INSC: variants seen among roughly 807,000 people sequenced by gnomAD.
INSC encodes the protein INSC spindle orientation adaptor protein, also known as protein inscuteable homolog.
A neutral mutation model predicts 58.6 loss-of-function variants in INSC; 67 were observed. That is an observed-to-expected ratio of 1.14 (90% CI 0.94 to 1.40). INSC has a LOEUF of 1.40. INSC is among the 40% of genes most tolerant of loss of function. The pLI is 0.00. For missense variants in INSC, 714 were observed against 692.0 expected, an observed-to-expected ratio of 1.03 and a Z score of -0.36; for synonymous variants, 262 against 276.1, an observed-to-expected ratio of 0.95 and a Z score of 0.51.
At chr11:15,220,846 G>C (rs1301537821) in intron 7 of INSC, among the ~76,000 whole-genome samples, 1 of 152,168 alleles carries the variant, frequency 6.6e-6, no homozygotes, top group Non-Finnish European at 1.5e-5. Context: ...GCTTCTTACT[G>C]GTTGGGCACA....
the INSC span, among the ~76,000 whole-genome samples, chr11:15,261,017 A>T: frequency 3.3e-5 from 5 of 152,218 alleles, no homozygotes; most frequent in Non-Finnish European, 4.4e-5. Flanking sequence ...CCTTTCATGC[A>T]TCAACTCTGA....
downstream of INSC, among the ~76,000 whole-genome samples, chr11:15,249,074 C>T (rs1487591178): frequency 1.3e-5 from 2 of 152,170 alleles, no homozygotes; most frequent in African/African-American, 2.4e-5. Context: ...GGAGGAAGGA[C>T]AGAAGTACCC....
At chr11:15,150,838 G>A (rs1848627326) in intron 2 of INSC, among the ~76,000 whole-genome samples, 2 of 152,208 alleles carry the variant, frequency 1.3e-5, no homozygotes, top group African/African-American at 4.8e-5. Flanking sequence ...CTTATGTGGG[G>A]CTAAGTGGTT....
intron 2 of INSC, among the ~76,000 whole-genome samples, chr11:15,152,036 C>T (rs1229781429): frequency 6.6e-6 from 1 of 152,230 alleles, no homozygotes; most frequent in Non-Finnish European, 1.5e-5. Context: ...ATACTCCACA[C>T]AGCTATTCAT....
At chr11:15,262,439 G>C in the INSC span, among the ~76,000 whole-genome samples, 1 of 152,038 alleles carries the variant, frequency 6.6e-6, no homozygotes, top group Non-Finnish European at 1.5e-5. Context: ...TGGACATACT[G>C]AGTCCGAAGA....
downstream of INSC, among the ~76,000 whole-genome samples, chr11:15,250,143 T>C (rs1852634918): frequency 6.6e-6 from 1 of 152,186 alleles, no homozygotes; most frequent in Non-Finnish European, 1.5e-5. Flanking sequence ...ACCCAGATTC[T>C]TTAGGATAGC....
intron 1 of INSC, among the ~76,000 whole-genome samples, chr11:15,131,095 T>G (rs532929994): frequency 6.6e-6 from 1 of 152,072 alleles, no homozygotes; most frequent in Non-Finnish European, 1.5e-5. Flanking sequence ...TTTCTTAAGT[T>G]GGAGATTATT....
chr11:15,227,052 C>T (rs1385499901), intron 9 of INSC, among the ~76,000 whole-genome samples: 1 of 152,188 alleles, frequency 6.6e-6, no homozygotes, highest in African/African-American at 2.4e-5. Context: ...TCTAATAATA[C>T]TGTGACACTG....
chr11:15,218,063 C>T (rs1252427675), intron 7 of INSC, among the ~76,000 whole-genome samples: 2 of 152,250 alleles, frequency 1.3e-5, no homozygotes, highest in South Asian at 4.1e-4. Context: ...CAGATGTTCA[C>T]CAGAAGACAT....
intron 7 of INSC, among the ~76,000 whole-genome samples, chr11:15,208,005 G>T (rs1435861396): frequency 1.3e-5 from 2 of 152,124 alleles, no homozygotes; most frequent in African/African-American, 4.8e-5. Flanking sequence ...TTAGGTGAAT[G>T]GTGTCATAGT....
chr11:15,202,908 G>A (rs1354598889), intron 7 of INSC, among the ~76,000 whole-genome samples: 1 of 152,246 alleles, frequency 6.6e-6, no homozygotes, highest in African/African-American at 2.4e-5. Context: ...TCGCAGTATA[G>A]ACGGCCCAGG....
intron 10 of INSC, among the ~76,000 whole-genome samples, chr11:15,235,890 C>T (rs1564921282): frequency 6.6e-6 from 1 of 151,554 alleles, no homozygotes; most frequent in Admixed American, 6.6e-5. Flanking sequence ...ACCCTGTCTC[C>T]ACTAAAAATA....
downstream of INSC, among the ~76,000 whole-genome samples, chr11:15,249,190 G>C (rs1329032751): frequency 1.3e-5 from 2 of 152,196 alleles, no homozygotes; most frequent in African/African-American, 2.4e-5. Flanking sequence ...CTTTAGAAGA[G>C]AGCAGGGCAG....
intron 7 of INSC, among the ~76,000 whole-genome samples, chr11:15,202,231 G>A (rs977449861): frequency 1.3e-5 from 2 of 152,062 alleles, no homozygotes; most frequent in African/African-American, 2.4e-5. Flanking sequence ...GTTGCTATGA[G>A]CACTAGATTT....
chr11:15,261,244 C>G, the INSC span, among the ~76,000 whole-genome samples: 1 of 152,048 alleles, frequency 6.6e-6, no homozygotes, highest in African/African-American at 2.4e-5. Context: ...TTTTTTCTGC[C>G]ATATTCTGAG....
chr11:15,192,376 C>T (rs1026530234), intron 6 of INSC, among the ~76,000 whole-genome samples: 4 of 152,224 alleles, frequency 2.6e-5, no homozygotes, highest in Non-Finnish European at 4.4e-5. Flanking sequence ...CTCAGCATTC[C>T]ACACTCAATT....
intron 9 of INSC, among the ~76,000 whole-genome samples, chr11:15,235,372 C>A (rs1362204783): frequency 6.6e-6 from 1 of 152,164 alleles, no homozygotes; most frequent in African/African-American, 2.4e-5. Flanking sequence ...CCCTTGGGGG[C>A]CGTCCTATAG....
chr11:15,195,419 T>C (rs1850338587), intron 6 of INSC, among the ~76,000 whole-genome samples: 2 of 152,264 alleles, frequency 1.3e-5, no homozygotes, highest in South Asian at 4.2e-4. Flanking sequence ...AGATATTTTA[T>C]GTTTTGTAAA....
the INSC span, among the ~76,000 whole-genome samples, chr11:15,265,440 G>A: frequency 6.6e-6 from 1 of 151,574 alleles, no homozygotes; most frequent in African/African-American, 2.4e-5. Flanking sequence ...GTTCTTTATG[G>A]GAAGATTTTT....
Sources: gnomAD v4.1 joint callset for allele counts (sites outside exome capture counted in the v4.1 genomes callset) on GRCh38, gnomAD v4.1.1 for gene constraint, MANE v1.5 for transcripts, NCBI Gene and HGNC (gene_info 2026-07-23, HGNC 2026-07-21) for gene names.